B4GALNT3: variants seen among roughly 807,000 people sequenced by gnomAD.
B4GALNT3 encodes the protein beta-1,4-N-acetyl-galactosaminyltransferase 3.
In B4GALNT3, 86 loss-of-function variants were observed where a neutral mutation model predicts 120.2. The observed-to-expected ratio is 0.72, with a 90% CI of 0.60 to 0.86. B4GALNT3 has a LOEUF of 0.86. Among genes scored for constraint, B4GALNT3 ranks in the 40% least tolerant of loss-of-function variants. The pLI, the probability that B4GALNT3 is intolerant of heterozygous loss-of-function variation, is 0.00. For missense variants in B4GALNT3, 1,167 were observed against 1,298.9 expected, an observed-to-expected ratio of 0.90 and a Z score of 1.56; for synonymous variants, 518 against 510.4, an observed-to-expected ratio of 1.01 and a Z score of -0.20.
At chr12:559,549 G>T in intron 19 of B4GALNT3, 128 bp downstream of exon 19, 1 of 1,332,570 alleles carries the variant, frequency 7.5e-7, no homozygotes, top group Non-Finnish European at 1.0e-6. Flanking sequence ...AAGAGCACTG[G>T]ACTCGGAGGA....
intron 1 of B4GALNT3, among the ~76,000 whole-genome samples, chr12:522,798 C>A (rs1385373061): frequency 6.6e-6 from 1 of 151,610 alleles, no homozygotes; most frequent in Non-Finnish European, 1.5e-5. Flanking sequence ...ATTAGCCAGG[C>A]ATGGTGGCAC....
chr12:535,223 T>C lies in B4GALNT3; in HGVS notation c.227T>C (p.Val76Ala). Residue 76 changes from valine to alanine, a missense_variant, in exon 2 of 20, where the codon GTG (valine) becomes GCG (alanine). By Grantham distance (64) the Val-to-Ala change is moderately conservative. Around this residue, in one of 3 missense-constraint regions of B4GALNT3, gnomAD observed 171 missense variants for 161.3 expected, o/e 1.06. Coordinates refer to ENST00000266383, the MANE Select transcript of B4GALNT3 (RefSeq NM_173593.4). ...CTGGCCAGCAGGAACATTCCAGCTG[T>C]GGATCCACACCTCCAGTTCTACCAT... ...KALASRNIPA[V>A]DPHLQFYHPQ... 1.2e-6 allele frequency: 2 copies of C among 1,613,884 alleles called. No individual in the cohort carries two copies. The highest frequency in any genetic ancestry group is 1.7e-6 in the Non-Finnish European group (2 of 1,179,958).
intron 1 of B4GALNT3, among the ~76,000 whole-genome samples, chr12:527,547 G>A (rs912459792): frequency 2.0e-5 from 3 of 152,324 alleles, no homozygotes; most frequent in African/African-American, 7.2e-5. Flanking sequence ...GGGTAGCGTC[G>A]GGGAAGAGAC....
At chr12:461,862 C>G (rs71447489) in intron 1 of B4GALNT3, among the ~76,000 whole-genome samples, 2 of 151,620 alleles carry the variant, frequency 1.3e-5, no homozygotes, top group African/African-American at 4.8e-5. Context: ...CACTAACTAG[C>G]GGGGGAATCA....
intron 3 of B4GALNT3, among the ~76,000 whole-genome samples, chr12:536,614 C>A (rs1189584066): frequency 1.3e-5 from 2 of 152,200 alleles, no homozygotes; most frequent in Non-Finnish European, 2.9e-5. Flanking sequence ...TCCTGACTAG[C>A]TGGGATTACA....
At position 549,788 on chromosome 12, in the gene B4GALNT3, G is replaced by C. The variant is rs935013088; in HGVS notation, c.873G>C (p.Met291Ile). Reference sequence around the variant, plus strand: ...GCCCAGATGAGACGTTCCTACAGATGGATGAGGTGGGCCACATCCCACAGA... The same window carrying C: ...GCCCAGATGAGACGTTCCTACAGATCGATGAGGTGGGCCACATCCCACAGA... ...SLFTNETFLQ[M>I]DEVGHIPQTA... Residue 291 changes from methionine (M) to isoleucine (I), a missense_variant, in exon 10 of 20, where the codon ATG becomes ATC. By Grantham distance (10) the Met-to-Ile change is conservative. This residue lies in a region of B4GALNT3 where 983 missense variants were observed against 1,102.5 expected (regional missense o/e 0.89). Coordinates refer to ENST00000266383, the MANE Select transcript of B4GALNT3 (RefSeq NM_173593.4). The C allele has an allele frequency of 1.9e-6, 3 of 1,613,586 alleles. No homozygotes were observed. Among genetic ancestry groups the C allele is most frequent in the Non-Finnish European group, 2.5e-6 (3 of 1,180,036 alleles).
At chr12:555,197 G>GA (rs894224882) in intron 14 of B4GALNT3, 12,628 of 278,464 alleles carry the variant, frequency 0.045, no homozygotes, top group South Asian at 0.086. Flanking sequence ...GAAAAAGAAA[G>GA]AAAAAAAAAA....
At chr12:549,469 G>A (rs1054830750) in intron 9 of B4GALNT3, among the ~76,000 whole-genome samples, 64 of 152,332 alleles carry the variant, frequency 4.2e-4, no homozygotes, top group African/African-American at 1.2e-3. Context: ...TAAATTAGGC[G>A]TACTTAATGC....
At chr12:524,729 C>T (rs887901745) in intron 1 of B4GALNT3, among the ~76,000 whole-genome samples, 5 of 152,042 alleles carry the variant, frequency 3.3e-5, no homozygotes, top group Non-Finnish European at 7.4e-5. Flanking sequence ...GGCAGATATG[C>T]ACTCTCCTTA....
intron 15 of B4GALNT3, among the ~76,000 whole-genome samples, chr12:557,153 A>G (rs994557516): frequency 6.6e-6 from 1 of 152,142 alleles, no homozygotes; most frequent in African/African-American, 2.4e-5. Context: ...GGGGATGATC[A>G]TTGGTCTGGG....
intron 1 of B4GALNT3, among the ~76,000 whole-genome samples, chr12:490,184 C>G (rs949616965): frequency 9.2e-5 from 14 of 151,846 alleles, no homozygotes; most frequent in African/African-American, 3.1e-4. Context: ...TAAGCTTCTA[C>G]CTTAGAAAAC....
At chr12:546,219 TGTGGGAGGAGGGGA>T (rs1175698180) in intron 6 of B4GALNT3, among the ~76,000 whole-genome samples, 1 of 21,526 alleles carries the variant, frequency 4.6e-5, no homozygotes, top group Non-Finnish European at 9.0e-5. Context: ...GGGAGGGGGG[TGTGGGAGGAGGGGA>T]GTGGGGAGGT....
chr12:504,871 G>A (rs1946481684), intron 1 of B4GALNT3, among the ~76,000 whole-genome samples: 3 of 151,076 alleles, frequency 2.0e-5, no homozygotes, highest in Admixed American at 1.3e-4. Flanking sequence ...TGAAAATGTA[G>A]TCTTAAAAAG....
intron 1 of B4GALNT3, among the ~76,000 whole-genome samples, chr12:534,924 C>T (rs745357673): frequency 1.3e-5 from 2 of 152,214 alleles, no homozygotes; most frequent in Non-Finnish European, 2.9e-5. Flanking sequence ...GGACTGGCTC[C>T]TTCTCTGGTT....
chr12:520,567 T>TCGGCCA (rs1167931296), intron 1 of B4GALNT3, among the ~76,000 whole-genome samples: 30,928 of 142,356 alleles, frequency 0.22, 6,469 homozygotes, highest in South Asian at 0.33. Context: ...AGTAGTTTAA[T>TCGGCCA]TGGCCATCAT....
intron 1 of B4GALNT3, among the ~76,000 whole-genome samples, chr12:497,219 T>C (rs1386048585): frequency 6.6e-6 from 1 of 152,226 alleles, no homozygotes. Flanking sequence ...AATGCCGCGA[T>C]CTCGGCTCAC....
Position 561,724 on chromosome 12 carries a change from G to GTTTTTTAATGAT in B4GALNT3, c.*273_*274insTTTTTTAATGAT. ...GAGAACGGGAAGAGCTCCTGAGAAGGACGGGTCAGGAAGGAGAGATCTGAC... is the reference window on the plus strand; with the variant it reads ...GAGAACGGGAAGAGCTCCTGAGAAGGTTTTTTAATGATACGGGTCAGGAAGGAGAGATCTGAC... On this transcript the variant is annotated 3_prime_UTR_variant, in exon 20 of 20. Transcript: ENST00000266383. 2.3e-6 allele frequency: 1 copy of GTTTTTTAATGAT among 427,758 alleles called. No homozygotes were observed. The highest frequency in any genetic ancestry group is 3.2e-5 in the South Asian group (1 of 31,668). 26.5% of individuals were successfully genotyped at this position (427,758 alleles called of 1,614,324 possible).
chr12:490,961 A>G lies in B4GALNT3; in HGVS notation c.169+30416A>G, dbSNP rs1164368254. On this transcript the variant is annotated intron_variant, in intron 1 of 19. Transcript: ENST00000266383. Reference sequence around the variant, plus strand: ...TTTCTACTAAACATGTAAGGAGGAAATTATGCCATTTCTCTACAATCTCTT... The same window carrying G: ...TTTCTACTAAACATGTAAGGAGGAAGTTATGCCATTTCTCTACAATCTCTT... 3.3e-5 allele frequency among the ~76,000 whole-genome samples: 5 copies of G among 152,216 alleles called. 1 individual carries two copies. In the South Asian group the frequency reaches 6.2e-4, roughly 19 times the overall value.
chr12:532,155 C>G (rs1946815030), intron 1 of B4GALNT3, among the ~76,000 whole-genome samples: 1 of 152,166 alleles, frequency 6.6e-6, no homozygotes, highest in South Asian at 2.1e-4. Context: ...CCTACTCTAT[C>G]ATGAGGACTG....
Sources: allele counts gnomAD v4.1 joint callset (sites outside exome capture counted in the v4.1 genomes callset), GRCh38; gene constraint gnomAD v4.1.1; regional missense constraint gnomAD v4.1.1; transcripts MANE v1.5; gene names NCBI Gene and HGNC (gene_info 2026-07-23, HGNC 2026-07-21).